LRRTM4: variants seen among roughly 807,000 people sequenced by gnomAD.
The protein encoded by LRRTM4 is leucine-rich repeat transmembrane neuronal protein 4.
A neutral mutation model predicts 47.6 loss-of-function variants in LRRTM4; 25 were observed. That is an observed-to-expected ratio of 0.53 (90% CI 0.38 to 0.73). The LOEUF (loss-of-function observed/expected upper bound fraction) is 0.73, where lower values mean the gene tolerates loss of function less well. LRRTM4 is among the 30% of genes least tolerant of loss of function. LRRTM4 has a pLI of 0.00. For synonymous variants in LRRTM4, 311 were observed against 269.5 expected, an observed-to-expected ratio of 1.15 and a Z score of -1.51; for missense variants, 638 against 713.4, an observed-to-expected ratio of 0.89 and a Z score of 1.20.
intron 3 of LRRTM4, among the ~76,000 whole-genome samples, chr2:76,929,458 C>T (rs962367019): frequency 1.3e-5 from 2 of 152,178 alleles, no homozygotes; most frequent in African/African-American, 4.8e-5. Flanking sequence ...TATTTGTCCA[C>T]CCATCGGAGT....
chr2:77,459,723 T>C (rs1277863566), intron 3 of LRRTM4, among the ~76,000 whole-genome samples: 4 of 147,286 alleles, frequency 2.7e-5, no homozygotes, highest in African/African-American at 1.0e-4. Context: ...ATTCACATTA[T>C]AAGCTTCTTA....
chr2:76,767,409 G>A (rs541607840), intron 3 of LRRTM4, among the ~76,000 whole-genome samples: 44 of 152,212 alleles, frequency 2.9e-4, no homozygotes, highest in East Asian at 7.7e-4. Flanking sequence ...GCTATAATTC[G>A]GGTAGTAATA....
At chr2:77,016,566 C>CA (rs1678079097) in intron 3 of LRRTM4, among the ~76,000 whole-genome samples, 1 of 152,026 alleles carries the variant, frequency 6.6e-6, no homozygotes, top group Admixed American at 6.6e-5. Context: ...AAAAGCTTTC[C>CA]ACATCCATTT....
intron 3 of LRRTM4, among the ~76,000 whole-genome samples, chr2:77,083,989 T>C (rs1014557715): frequency 2.0e-5 from 3 of 151,684 alleles, no homozygotes; most frequent in African/African-American, 7.3e-5. Context: ...ATATTTTTAG[T>C]AGAGACGGGG....
At chr2:76,806,103 A>C (rs1675953505) in intron 3 of LRRTM4, among the ~76,000 whole-genome samples, 1 of 152,164 alleles carries the variant, frequency 6.6e-6, no homozygotes, top group Non-Finnish European at 1.5e-5. Flanking sequence ...AGCAGAATAC[A>C]AAACTTAGAA....
chr2:77,090,604 G>A (rs1051168718), intron 3 of LRRTM4, among the ~76,000 whole-genome samples: 2 of 152,034 alleles, frequency 1.3e-5, no homozygotes, highest in African/African-American at 2.4e-5. Flanking sequence ...CGCCTGAACC[G>A]CAGTGGCCAG....
chr2:77,436,787 A>C (rs574999709), intron 3 of LRRTM4, among the ~76,000 whole-genome samples: 99 of 152,106 alleles, frequency 6.5e-4, no homozygotes, highest in African/African-American at 2.3e-3. Flanking sequence ...TGTAGTATAT[A>C]AAACTAAAAG....
At chr2:77,507,395 T>A (rs1181634907) in intron 3 of LRRTM4, among the ~76,000 whole-genome samples, 1 of 152,096 alleles carries the variant, frequency 6.6e-6, no homozygotes, top group African/African-American at 2.4e-5. Context: ...TCATGTTTTG[T>A]TGGAGAATCA....
chr2:76,879,315 C>A (rs1402850587), intron 3 of LRRTM4, among the ~76,000 whole-genome samples: 1 of 152,100 alleles, frequency 6.6e-6, no homozygotes. Context: ...TTGTTAGGGG[C>A]TAATGCAGCT....
intron 3 of LRRTM4, among the ~76,000 whole-genome samples, chr2:76,980,965 T>C (rs975976343): frequency 5.9e-5 from 9 of 152,140 alleles, no homozygotes; most frequent in Admixed American, 2.6e-4. Context: ...GTTAACACAA[T>C]GTCTTATTCT....
At chr2:77,333,577 G>T (rs1671047980) in intron 3 of LRRTM4, among the ~76,000 whole-genome samples, 1 of 152,276 alleles carries the variant, frequency 6.6e-6, no homozygotes, top group East Asian at 1.9e-4. Context: ...TGAGACTGTG[G>T]GTGCAGAGAA....
At chr2:77,181,952 A>T (rs1195050257) in intron 3 of LRRTM4, among the ~76,000 whole-genome samples, 2 of 152,170 alleles carry the variant, frequency 1.3e-5, no homozygotes, top group East Asian at 3.9e-4. Context: ...GAGAAATAGG[A>T]ATGCTTTTAC....
intron 3 of LRRTM4, among the ~76,000 whole-genome samples, chr2:76,899,491 T>A (rs2103739205): frequency 6.6e-6 from 1 of 151,980 alleles, no homozygotes; most frequent in East Asian, 1.9e-4. Flanking sequence ...GAACAAAGAA[T>A]AGAAAGAGGT....
At chr2:76,784,969 C>G (rs1674594129) in intron 3 of LRRTM4, among the ~76,000 whole-genome samples, 3 of 152,138 alleles carry the variant, frequency 2.0e-5, no homozygotes, top group Admixed American at 2.0e-4. Flanking sequence ...CAGAATGTAT[C>G]ACACCAATTT....
At chr2:76,779,127 AGTTT>A (rs1215540839) in intron 3 of LRRTM4, among the ~76,000 whole-genome samples, 99 of 151,534 alleles carry the variant, frequency 6.5e-4, no homozygotes, top group African/African-American at 2.3e-3. Flanking sequence ...TCTGAGAGAT[AGTTT>A]GTTATAATTT....
intron 3 of LRRTM4, among the ~76,000 whole-genome samples, chr2:76,790,479 G>T (rs1674914469): frequency 6.6e-6 from 1 of 152,254 alleles, no homozygotes; most frequent in South Asian, 2.1e-4. Flanking sequence ...GCCAGCCTCA[G>T]TTTCTTCCTC....
chr2:77,342,324 G>T (rs1671402718), intron 3 of LRRTM4, among the ~76,000 whole-genome samples: 1 of 151,896 alleles, frequency 6.6e-6, no homozygotes, highest in Non-Finnish European at 1.5e-5. Flanking sequence ...CAACTGTGCA[G>T]GTCAGGAATT....
intron 3 of LRRTM4, among the ~76,000 whole-genome samples, chr2:77,334,953 C>T (rs1671106607): frequency 6.6e-6 from 1 of 152,274 alleles, no homozygotes; most frequent in South Asian, 2.1e-4. Context: ...ATATGATAGA[C>T]ATTTAGTAAA....
intron 3 of LRRTM4, among the ~76,000 whole-genome samples, chr2:76,907,991 T>G (rs1205959252): frequency 3.3e-5 from 5 of 152,006 alleles, no homozygotes; most frequent in Admixed American, 1.3e-4. Flanking sequence ...TAACTCATTT[T>G]ATGAGGCCAG....
Sources: allele counts gnomAD v4.1 joint callset (sites outside exome capture counted in the v4.1 genomes callset), GRCh38; gene constraint gnomAD v4.1.1; transcripts MANE v1.5; gene names NCBI Gene and HGNC (gene_info 2026-07-23, HGNC 2026-07-21).